Variants in TNNI3 observed in about 807,000 individuals in gnomAD.
The protein encoded by TNNI3 is troponin I, cardiac muscle.
Under a neutral mutation model 31.5 loss-of-function variants are expected in TNNI3, and 23 were observed. That is an observed-to-expected ratio of 0.73 (90% CI 0.52 to 1.03). The LOEUF (loss-of-function observed/expected upper bound fraction) is 1.03, where lower values mean the gene tolerates loss of function less well. Among genes scored for constraint, TNNI3 ranks in the 50% least tolerant of loss-of-function variants. TNNI3 has a pLI of 0.00. For synonymous variants in TNNI3, 120 were observed against 111.7 expected (o/e 1.07, Z -0.47); for missense variants, 236 against 282.9 (o/e 0.83, Z 1.19).
chr19:55,156,233 C>G lies in TNNI3; in HGVS notation c.250G>C (p.Glu84Gln), dbSNP rs759523214. The change falls in exon 5 of 8, where the codon GAG becomes CAG. Residue 84 changes from glutamate to glutamine, a missense_variant. By Grantham distance (29) the Glu-to-Gln change is conservative. Coordinates refer to ENST00000344887, the MANE Select transcript of TNNI3 (RefSeq NM_000363.5). The surrounding 1 kb of genome is among the most constrained non-coding windows in gnomAD (Gnocchi z 4.6). ...TCCGCGAAGCCCAGCCCGGCCAACTCCAGCGGCTGGCAGCGGGTGCTCAGA... is the reference window on the plus strand; with the variant it reads ...TCCGCGAAGCCCAGCCCGGCCAACTGCAGCGGCTGGCAGCGGGTGCTCAGA... ...RALSTRCQPL[E>Q]LAGLGFAELQ... 3 of 1,612,674 alleles carry G rather than the reference C, an allele frequency of 1.9e-6. No individual in the cohort carries two copies. The highest frequency in any genetic ancestry group is 1.1e-5 in the South Asian group (1 of 91,078).
At position 55,157,416 on chromosome 19, in the gene TNNI3, C is replaced by T. The variant is rs2085742235; in HGVS notation, c.12-108G>A. 6 of 1,597,794 alleles carry T rather than the reference C, an allele frequency of 3.8e-6. No homozygotes were observed. The highest frequency in any genetic ancestry group is 5.1e-6 in the Non-Finnish European group (6 of 1,167,418). On this transcript the variant is annotated intron_variant, in intron 1 of 7. Transcript: ENST00000344887. This position sits in a 1 kb window ranked among gnomAD's most constrained non-coding sequence, Gnocchi z 6.3. ...AAGAGGTCGGGGGACCGCGCTTCCC[C>T]TTCCTTGGGTTCCAGGAGTCTGACT...
rs751978818 is a variant in TNNI3, at chr19:55,157,178, C to G, written c.25-45G>C. On this transcript the variant is annotated intron_variant, in intron 2 of 7. Coordinates refer to ENST00000344887, the MANE Select transcript of TNNI3 (RefSeq NM_000363.5). The surrounding 1 kb of genome is among the most constrained non-coding windows in gnomAD (Gnocchi z 6.3). ...GACCCCATCACCACCAAGACCCCAC[C>G]CAGCCCTTACCGTACCGCACCCTCT... is the stretch of plus-strand genomic sequence containing the variant. 2.5e-6 allele frequency: 4 copies of G among 1,588,508 alleles called. No individual in the cohort carries two copies. The East Asian group carries it at 9.1e-5, about 36-fold the overall frequency.
Position 55,152,086 on chromosome 19 carries a change from G to A in TNNI3, c.550-169C>T, listed in dbSNP as rs2147281855. On this transcript the variant is annotated intron_variant, in intron 7 of 7. Coordinates refer to ENST00000344887, the MANE Select transcript of TNNI3 (RefSeq NM_000363.5). This position sits in a 1 kb window ranked among gnomAD's most constrained non-coding sequence, Gnocchi z 4.0. ...GATAATCCCTGCCAATTTTCCCCAT[G>A]CACTTCCTGTCTCCCTCATGCACTT... Among the ~76,000 whole-genome samples the A allele has an allele frequency of 6.6e-6, 1 of 152,010 alleles. No individual in the cohort carries two copies. Among genetic ancestry groups the A allele is most frequent in the African/African-American group, 2.4e-5 (1 of 41,452 alleles).
In TNNI3 at chr19:55,152,722, C is replaced by T. The variant is rs947776674; in HGVS notation, c.550-805G>A. 6.6e-6 allele frequency among the ~76,000 whole-genome samples: 1 copy of T among 152,084 alleles called. No homozygotes were observed. Among genetic ancestry groups the T allele is most frequent in the Admixed American group, 6.6e-5 (1 of 15,254 alleles). Reference sequence around the variant, plus strand: ...CTCACTGCAGCCTCAACTTCCTGGGCTCAAGCCATCCTCTCACCTCAGACT... The same window carrying T: ...CTCACTGCAGCCTCAACTTCCTGGGTTCAAGCCATCCTCTCACCTCAGACT... On this transcript the variant is annotated intron_variant, in intron 7 of 7. Transcript: ENST00000344887. This position sits in a 1 kb window ranked among gnomAD's most constrained non-coding sequence, Gnocchi z 4.0.
chr19:55,154,151 G>T lies in TNNI3; in HGVS notation c.428C>A (p.Thr143Asn), dbSNP rs397516348. Reference sequence around the variant, plus strand: ...TGCAGAGATCCTCACTCTCCGCAGGGTGGGCCGCTTAAACTTGCCTCGAAG... The same window carrying T: ...TGCAGAGATCCTCACTCTCCGCAGGTTGGGCCGCTTAAACTTGCCTCGAAG... ...FDLRGKFKRP[T>N]LRRVRISADA... is the part of the protein sequence containing the mutation. The change falls in exon 7 of 8, where the codon ACC (threonine) becomes AAC (asparagine). Residue 143 changes from threonine (T) to asparagine (N), a missense_variant. By Grantham distance (65) the Thr-to-Asn change is moderately conservative (BLOSUM62 0). Transcript: ENST00000344887. 1.6e-5 allele frequency: 26 copies of T among 1,613,122 alleles called. No individual in the cohort carries two copies. Among genetic ancestry groups the T allele is most frequent in the Middle Eastern group, 3.3e-4 (2 of 6,074 alleles).
At chr19:55,154,349 T>C in intron 6 of TNNI3, 143 bp from the exon 7 acceptor site, 1 of 860,368 alleles carries the variant, frequency 1.2e-6, no homozygotes, top group Non-Finnish European at 1.8e-6. Flanking sequence ...AGGCTCCCAG[T>C]CTAGGCTTCT....
intron 7 of TNNI3, 32 bp from the exon 8 acceptor site, chr19:55,151,949 T>C (rs369671442): frequency 1.3e-5 from 21 of 1,604,220 alleles, no homozygotes; most frequent in Admixed American, 1.7e-5. Flanking sequence ...GAGGTTAGGG[T>C]CTCTTCTTGG....
In TNNI3 at chr19:55,157,214, C is replaced by T. The variant is rs1568859895; in HGVS notation, c.25-81G>A. On this transcript the variant is annotated intron_variant, in intron 2 of 7. Coordinates refer to ENST00000344887, the MANE Select transcript of TNNI3 (RefSeq NM_000363.5). The surrounding 1 kb of genome is among the most constrained non-coding windows in gnomAD (Gnocchi z 6.3). ...CGTACCGCACCCTCTGCTAGGGCTG[C>T]AGCCTCCCGCCCCAGACCCCTCACT... is the stretch of plus-strand genomic sequence containing the variant. 4.9e-5 allele frequency: 79 copies of T among 1,598,002 alleles called. No homozygotes were observed. The highest frequency in any genetic ancestry group is 6.6e-5 in the Non-Finnish European group (78 of 1,173,010).
intron 7 of TNNI3, among the ~76,000 whole-genome samples, 162 bp downstream of exon 7, chr19:55,153,868 T>G (rs1171456309): frequency 7.1e-5 from 1 of 14,102 alleles, no homozygotes; most frequent in Non-Finnish European, 2.0e-4. Flanking sequence ...GCACTTCCTG[T>G]CTTCCCCTTC....
intron 7 of TNNI3, among the ~76,000 whole-genome samples, chr19:55,153,520 C>T (rs1334759435): frequency 2.0e-5 from 3 of 151,890 alleles, no homozygotes; most frequent in Non-Finnish European, 4.4e-5. Context: ...ATGCCACCAC[C>T]GTGACTGGCT....
chr19:55,157,456 C>T lies in TNNI3; in HGVS notation c.11+123G>A. 5 of 1,574,850 alleles carry T rather than the reference C, an allele frequency of 3.2e-6. No homozygotes were observed. The highest frequency in any genetic ancestry group is 4.4e-6 in the Non-Finnish European group (5 of 1,149,332). On this transcript the variant is annotated intron_variant, in intron 1 of 7. Transcript: ENST00000344887. The surrounding 1 kb of genome is among the most constrained non-coding windows in gnomAD (Gnocchi z 6.3). ...GGAGTCTGACTCGCAAACCCACTTC[C>T]TCTCTTCACCCAAGAGTCCCTACGC... is the stretch of plus-strand genomic sequence containing the variant.
intron 5 of TNNI3, 31 bp from the exon 6 acceptor site, chr19:55,154,861 G>C: frequency 6.2e-7 from 1 of 1,603,530 alleles, no homozygotes; most frequent in South Asian, 1.1e-5. Flanking sequence ...GTGTTGTTGG[G>C]GGAACCAAAA....
rs371665059 is a variant in TNNI3 at position 55,157,605 on chromosome 19, G to A, written c.-16C>T. On this transcript the variant is annotated 5_prime_UTR_variant, in exon 1 of 8. Coordinates refer to ENST00000344887, the MANE Select transcript of TNNI3 (RefSeq NM_000363.5). The surrounding 1 kb of genome is among the most constrained non-coding windows in gnomAD (Gnocchi z 6.3). ...CATCCGCCATGCTGAGACTCAGGCC[G>A]GGAATGGCAGGAGGCAGGGCGAGGA... is the stretch of plus-strand genomic sequence containing the variant. 8 of 1,613,824 alleles carry A rather than the reference G, an allele frequency of 5.0e-6. No homozygotes were observed. The highest frequency in any genetic ancestry group is 1.7e-5 in the Admixed American group (1 of 59,964).
chr19:55,156,601 A>C lies in TNNI3; in HGVS notation c.150+2T>G. 1.3e-6 allele frequency: 2 copies of C among 1,559,624 alleles called. No homozygotes were observed. The highest frequency in any genetic ancestry group is 1.7e-4 in the Middle Eastern group (1 of 5,986). On this transcript the variant is annotated splice_donor_variant, in intron 4 of 7. Transcript: ENST00000344887. LOFTEE classifies it high-confidence loss of function. The surrounding 1 kb of genome is among the most constrained non-coding windows in gnomAD (Gnocchi z 4.6). ...CTCTTTCCCAGTCCCGCCCGTCCTC[A>C]CCTTCAGCTGCAATTTTCTCGAGGC... is the stretch of plus-strand genomic sequence containing the variant.
In TNNI3 at chr19:55,157,604, C is replaced by T. The variant is rs530600518; in HGVS notation, c.-15G>A. On this transcript the variant is annotated 5_prime_UTR_variant, in exon 1 of 8. Transcript: ENST00000344887. This position sits in a 1 kb window ranked among gnomAD's most constrained non-coding sequence, Gnocchi z 6.3. ...CCATCCGCCATGCTGAGACTCAGGC[C>T]GGGAATGGCAGGAGGCAGGGCGAGG... 17 of 1,613,984 alleles carry T rather than the reference C, an allele frequency of 1.1e-5. No individual in the cohort carries two copies. The highest frequency in any genetic ancestry group is 8.9e-5 in the East Asian group (4 of 44,866).
At position 55,151,911 on chromosome 19, in the gene TNNI3, G is replaced by A. The variant is rs760978512; in HGVS notation, c.556C>T (p.Arg186Trp). Residue 186 changes from arginine to tryptophan, a missense_variant, in exon 8 of 8, where the codon CGG becomes TGG. This residue lies in a region of TNNI3 where 28 missense variants were observed against 36.2 expected (regional missense o/e 0.77). Transcript: ENST00000344887. Reference protein sequence around the residue: ...VKKEDTEKENREVGDWRKNID... With the variant: ...VKKEDTEKENWEVGDWRKNID... ...TTCTTGCGCCAGTCTCCCACCTCCC[G>A]GTTTTCCTGGAGGATGGCGATGAGT... 17 of 1,613,830 alleles carry A rather than the reference G, an allele frequency of 1.1e-5. No individual in the cohort carries two copies. Among genetic ancestry groups the A allele is most frequent in the Admixed American group, 5.0e-5 (3 of 59,992 alleles).
Position 55,156,659 on chromosome 19 carries a change from T to G in TNNI3, c.109-15A>C. The G allele has an allele frequency of 6.4e-7, 1 of 1,562,210 alleles. No homozygotes were observed. Among genetic ancestry groups the G allele is most frequent in the Non-Finnish European group, 8.7e-7 (1 of 1,151,658 alleles). On this transcript the variant is annotated splice_polypyrimidine_tract_variant and intron_variant, in intron 3 of 7. Transcript: ENST00000344887. This position sits in a 1 kb window ranked among gnomAD's most constrained non-coding sequence, Gnocchi z 4.6. ...TTAGATTTTTTCTGCCAGGGTGAGATGGAGCAAGGAAGGATCATGGAGGGG... is the reference window on the plus strand; with the variant it reads ...TTAGATTTTTTCTGCCAGGGTGAGAGGGAGCAAGGAAGGATCATGGAGGGG...
At chr19:55,153,329 A>T (rs2085705123) in intron 7 of TNNI3, among the ~76,000 whole-genome samples, 1 of 152,088 alleles carries the variant, frequency 6.6e-6, no homozygotes, top group Admixed American at 6.5e-5. Context: ...AAAAAATTAC[A>T]TATAGGGTTC....
rs2085731766 is a variant in TNNI3 at position 55,156,533 on chromosome 19, A to G, written c.150+70T>C. On this transcript the variant is annotated intron_variant, in intron 4 of 7. Coordinates refer to ENST00000344887, the MANE Select transcript of TNNI3 (RefSeq NM_000363.5). The surrounding 1 kb of genome is among the most constrained non-coding windows in gnomAD (Gnocchi z 4.6). Reference sequence around the variant, plus strand: ...CCCACTTCCGCCCACCTACCCCGAAAGCCCCACCCATTCTCAAGCTCCGCC... The same window carrying G: ...CCCACTTCCGCCCACCTACCCCGAAGGCCCCACCCATTCTCAAGCTCCGCC... The G allele has an allele frequency of 6.5e-6, 10 of 1,542,050 alleles. No individual in the cohort carries two copies. Among genetic ancestry groups the G allele is most frequent in the Non-Finnish European group, 7.9e-6 (9 of 1,139,836 alleles).
Sources: allele counts gnomAD v4.1 joint callset (sites outside exome capture counted in the v4.1 genomes callset), GRCh38; gene constraint gnomAD v4.1.1; regional missense constraint gnomAD v4.1.1; non-coding constraint Gnocchi (gnomAD v3.1); transcripts MANE v1.5; gene names NCBI Gene and HGNC (gene_info 2026-07-23, HGNC 2026-07-21).